Variants in SENP8 observed in about 807,000 individuals in gnomAD.
The protein encoded by SENP8 is SUMO peptidase family member, NEDD8 specific, also known as sentrin-specific protease 8.
Under a neutral mutation model 14.4 loss-of-function variants are expected in SENP8, and 10 were observed. That is an observed-to-expected ratio of 0.69 (90% CI 0.43 to 1.18). The LOEUF is 1.18. Ranked by LOEUF, SENP8 falls within the 50% of genes most tolerant of loss-of-function variation. The probability of loss-of-function intolerance (pLI) is 0.00; values close to 1 mark genes in which losing one functional copy is unlikely to be tolerated. For missense variants in SENP8, 202 were observed against 249.4 expected (o/e 0.81, Z 1.28); for synonymous variants, 94 against 95.5 (o/e 0.98, Z 0.09).
chr15:72,118,247 C>T (rs1267946109), upstream of SENP8: 4 of 329,848 alleles, frequency 1.2e-5, no homozygotes, highest in Non-Finnish European at 1.1e-5. Context: ...TGCGCTTGCG[C>T]AGACACGCCC....
At chr15:72,134,207 T>C (rs1309271304) in intron 1 of SENP8, among the ~76,000 whole-genome samples, 1 of 152,198 alleles carries the variant, frequency 6.6e-6, no homozygotes, top group African/African-American at 2.4e-5. Context: ...TGGCCTTATG[T>C]TGTATTTTAA....
Position 72,122,444 on chromosome 15 carries a change from G to A in SENP8, c.-48+3980G>A, listed in dbSNP as rs919193419. On this transcript the variant is annotated intron_variant, in intron 1 of 1. Transcript: ENST00000340912. ...ATCTCCTTTGAAACTGATCAATACCGGACTATAGAAACTTACTGCTCAAAT... is the reference window on the plus strand; with the variant it reads ...ATCTCCTTTGAAACTGATCAATACCAGACTATAGAAACTTACTGCTCAAAT... Among the ~76,000 whole-genome samples the A allele has an allele frequency of 3.9e-5, 6 of 152,088 alleles. No homozygotes were observed. The East Asian group carries it at 9.6e-4, about 24-fold the overall frequency.
intron 1 of SENP8, among the ~76,000 whole-genome samples, chr15:72,118,838 C>A (rs1414005044): frequency 2.6e-5 from 4 of 152,140 alleles, no homozygotes; most frequent in Non-Finnish European, 5.9e-5. Flanking sequence ...GGGATGCTGT[C>A]TGCGCACAGA....
At chr15:72,134,185 G>A (rs2081304780) in intron 1 of SENP8, among the ~76,000 whole-genome samples, 2 of 152,154 alleles carry the variant, frequency 1.3e-5, no homozygotes. Flanking sequence ...AGCTCAGGCA[G>A]TTTGCCTGCC....
intron 1 of SENP8, among the ~76,000 whole-genome samples, chr15:72,121,701 G>A (rs1050692994): frequency 1.3e-5 from 2 of 152,200 alleles, no homozygotes; most frequent in African/African-American, 4.8e-5. Context: ...ACTCCAGCCT[G>A]AGTGACAGAG....
upstream of SENP8, chr15:72,118,131 A>G (rs1033851824): frequency 7.9e-5 from 30 of 378,150 alleles, no homozygotes; most frequent in Non-Finnish European, 1.3e-4. Context: ...CCCCGGCTGC[A>G]GGCGAGCAGG....
At chr15:72,121,259 G>A (rs553297867) in intron 1 of SENP8, among the ~76,000 whole-genome samples, 2 of 152,318 alleles carry the variant, frequency 1.3e-5, no homozygotes, top group African/African-American at 4.8e-5. Context: ...ATCATTGAAT[G>A]CCAGGCTGTA....
chr15:72,128,755 G>C (rs1371462854), intron 1 of SENP8, among the ~76,000 whole-genome samples: 1 of 152,148 alleles, frequency 6.6e-6, no homozygotes, highest in African/African-American at 2.4e-5. Flanking sequence ...TGGCACATGG[G>C]CATGTATCCA....
chr15:72,116,255 T>C (rs1320948988), upstream of SENP8, among the ~76,000 whole-genome samples: 5 of 152,216 alleles, frequency 3.3e-5, no homozygotes, highest in African/African-American at 1.2e-4. Flanking sequence ...TCTATAATTT[T>C]AATGTGATTT....
In SENP8 at chr15:72,139,889, C is replaced by CCAT. The variant is rs764230693; in HGVS notation, c.269_271dup (p.Ile90dup). The CCAT allele has an allele frequency of 6.2e-7, 1 of 1,614,158 alleles. No individual in the cohort carries two copies. The highest frequency in any genetic ancestry group is 2.2e-5 in the East Asian group (1 of 44,884). On this transcript the variant is annotated inframe_insertion, in exon 2 of 2. Coordinates refer to ENST00000340912, the MANE Select transcript of SENP8 (RefSeq NM_145204.4). ...CCCAACAAGAGAGTTGTATTTTTAG[C>CCAT]CATCAATGATAACTCCAACCAGGCA...
intron 1 of SENP8, among the ~76,000 whole-genome samples, chr15:72,118,879 C>T (rs2081107212): frequency 6.6e-6 from 1 of 152,106 alleles, no homozygotes; most frequent in African/African-American, 2.4e-5. Context: ...AGGAGGATAA[C>T]GTGAGGAAGC....
upstream of SENP8, chr15:72,118,322 A>G (rs1317420478): frequency 1.4e-5 from 3 of 218,130 alleles, no homozygotes; most frequent in African/African-American, 6.9e-5. Context: ...CAGAGCAGGG[A>G]ACTCAGCTTT....
At chr15:72,135,846 C>T (rs1023553065) in intron 1 of SENP8, among the ~76,000 whole-genome samples, 2 of 152,178 alleles carry the variant, frequency 1.3e-5, no homozygotes, top group African/African-American at 2.4e-5. Context: ...CTTGCAGGTT[C>T]CTTTCCCTAG....
At chr15:72,132,095 G>A (rs907684840) in intron 1 of SENP8, among the ~76,000 whole-genome samples, 2 of 152,062 alleles carry the variant, frequency 1.3e-5, no homozygotes, top group East Asian at 3.8e-4. Flanking sequence ...ACTTGCCCAC[G>A]ATCACTTAAA....
At chr15:72,132,315 C>G (rs1197112762) in intron 1 of SENP8, among the ~76,000 whole-genome samples, 1 of 152,024 alleles carries the variant, frequency 6.6e-6, no homozygotes, top group African/African-American at 2.4e-5. Flanking sequence ...TTACTATTAA[C>G]AGCAGAACAA....
intron 1 of SENP8, among the ~76,000 whole-genome samples, chr15:72,138,299 C>CAGGGGCTA (rs1397125733): frequency 6.6e-6 from 1 of 151,500 alleles, no homozygotes; most frequent in East Asian, 1.9e-4. Flanking sequence ...TTGAACAACA[C>CAGGGGCTA]AGGGGCTAGG....
rs571788417 is a variant in SENP8, at chr15:72,141,483, A to G, written c.*1221A>G. On this transcript the variant is annotated 3_prime_UTR_variant, in exon 2 of 2. Transcript: ENST00000340912. ...TAATGAGAATTAGATTGCAAGGCCT[A>G]TGAGACTTGAAAACCAAAGATGAGC... 1.3e-5 allele frequency: 2 copies of G among 152,346 alleles called. No homozygotes were observed. The highest frequency in any genetic ancestry group is 4.8e-5 in the African/African-American group (2 of 41,584). 9.4% of individuals were successfully genotyped at this position (152,346 alleles called of 1,614,324 possible). A position where few individuals can be genotyped will look rare whatever the true frequency, so the allele number is the denominator to read the frequency against.
intron 1 of SENP8, among the ~76,000 whole-genome samples, chr15:72,119,231 A>G (rs2081119077): frequency 6.6e-6 from 1 of 152,232 alleles, no homozygotes; most frequent in Non-Finnish European, 1.5e-5. Flanking sequence ...TTATAAGATC[A>G]AGATCACTAG....
chr15:72,116,563 C>T (rs2080986736), upstream of SENP8, among the ~76,000 whole-genome samples: 1 of 152,096 alleles, frequency 6.6e-6, no homozygotes. Context: ...AAACCGACAT[C>T]GAAGCATTCA....
Sources: gnomAD v4.1 joint callset for allele counts (sites outside exome capture counted in the v4.1 genomes callset) on GRCh38, gnomAD v4.1.1 for gene constraint, MANE v1.5 for transcripts, NCBI Gene and HGNC (gene_info 2026-07-23, HGNC 2026-07-21) for gene names.